The following EP400 variants were observed in gnomAD, a reference collection of about 807,000 sequenced individuals.
The protein encoded by EP400 is E1A binding protein p400, also known as E1A-binding protein p400.
Under a neutral mutation model 354.1 loss-of-function variants are expected in EP400, and 105 were observed. The ratio of observed to expected loss-of-function variants is 0.30; its 90% confidence interval spans 0.25 to 0.35. The LOEUF (loss-of-function observed/expected upper bound fraction) is 0.35, where lower values mean the gene tolerates loss of function less well. Among genes scored for constraint, EP400 ranks in the 10% least tolerant of loss-of-function variants. The probability of loss-of-function intolerance (pLI) is 1.00; values close to 1 mark genes in which losing one functional copy is unlikely to be tolerated. For synonymous variants in EP400, 1,646 were observed against 1,716.9 expected (o/e 0.96, Z 1.02); for missense variants, 3,280 against 4,121.0 (o/e 0.80, Z 5.59).
chr12:131,950,882 C>T (rs910147833), intron 1 of EP400, among the ~76,000 whole-genome samples: 1 of 152,026 alleles, frequency 6.6e-6, no homozygotes, highest in African/African-American at 2.4e-5. Flanking sequence ...CCACCATGCC[C>T]GGCTCACTTT....
chr12:131,969,078 C>G (rs1892203295), intron 2 of EP400, among the ~76,000 whole-genome samples: 1 of 151,576 alleles, frequency 6.6e-6, no homozygotes, highest in Non-Finnish European at 1.5e-5. Context: ...CAAGGGCACC[C>G]AGTATGATCT....
chr12:131,954,472 C>T (rs1442650012), intron 1 of EP400, among the ~76,000 whole-genome samples: 2 of 152,164 alleles, frequency 1.3e-5, no homozygotes, highest in Admixed American at 6.5e-5. Context: ...TGCCTGTAAT[C>T]CCAGCACTTT....
At chr12:131,953,056 C>T (rs1891569469) in intron 1 of EP400, among the ~76,000 whole-genome samples, 1 of 152,106 alleles carries the variant, frequency 6.6e-6, no homozygotes, top group Non-Finnish European at 1.5e-5. Context: ...GGCGATATCT[C>T]CAACAAGGGA....
chr12:132,028,246 C>T lies in EP400; in HGVS notation c.5339C>T (p.Thr1780Met), dbSNP rs375537617. The T allele has an allele frequency of 9.3e-6, 15 of 1,614,068 alleles. No individual in the cohort carries two copies. Among genetic ancestry groups the T allele is most frequent in the African/African-American group, 6.7e-5 (5 of 74,924 alleles). ...GAAAGTCCAAGTGAGCTGATGTTGA[C>T]GCTTTGTCGGTGTGGAGAGTCTCTG... ...SSESPSELML[T>M]LCRCGESLQD... Residue 1780 changes from threonine (T) to methionine (M), a missense_variant, in exon 27 of 53, where the codon ACG (threonine) becomes ATG (methionine). By Grantham distance (81) the Thr-to-Met change is moderately conservative. Coordinates refer to ENST00000389561, the MANE Select transcript of EP400 (RefSeq NM_015409.5).
chr12:132,076,322 G>A (rs760489298), intron 51 of EP400, 194 bp from the exon 52 acceptor site: 2 of 686,974 alleles, frequency 2.9e-6, no homozygotes, highest in South Asian at 1.5e-5. Flanking sequence ...TGGGGAGGCA[G>A]TCAGTTGACT....
At position 132,078,848 on chromosome 12, in the gene EP400, A is replaced by G. The variant is rs1200021079; in HGVS notation, c.*1175A>G. The G allele has an allele frequency of 6.6e-6, 1 of 152,242 alleles. No individual in the cohort carries two copies. Among genetic ancestry groups the G allele is most frequent in the Non-Finnish European group, 1.5e-5 (1 of 68,038 alleles). The allele number at this position is 152,242 out of a possible 1,614,324, so 9.4% of individuals were successfully genotyped here. On this transcript the variant is annotated 3_prime_UTR_variant, in exon 53 of 53. Coordinates refer to ENST00000389561, the MANE Select transcript of EP400 (RefSeq NM_015409.5). Reference sequence around the variant, plus strand: ...GCCGTTGAGGGGGAAAACGAAGCCCAGTATTTGCTACTGTTTTTCCTTTTT... The same window carrying G: ...GCCGTTGAGGGGGAAAACGAAGCCCGGTATTTGCTACTGTTTTTCCTTTTT...
chr12:132,013,985 C>A lies in EP400; in HGVS notation c.3923+72C>A. On this transcript the variant is annotated intron_variant, in intron 19 of 52. Coordinates refer to ENST00000389561, the MANE Select transcript of EP400 (RefSeq NM_015409.5). The surrounding 1 kb of genome is among the most constrained non-coding windows in gnomAD (Gnocchi z 4.5). ...TGAGGGAAAACGGCCCTTTCTGTGGCCTCAGCAGAAAGCTCCTTTCCGCAA... is the reference window on the plus strand; with the variant it reads ...TGAGGGAAAACGGCCCTTTCTGTGGACTCAGCAGAAAGCTCCTTTCCGCAA... The A allele has an allele frequency of 9.5e-6, 15 of 1,573,376 alleles. No individual in the cohort carries two copies. The highest frequency in any genetic ancestry group is 1.3e-5 in the Non-Finnish European group (15 of 1,159,186).
Position 132,050,325 on chromosome 12 carries a change from TAAA to T in EP400, c.7206_7208del (p.Lys2402del), listed in dbSNP as rs753113344. On this transcript the variant is annotated inframe_deletion, in exon 40 of 53. Transcript: ENST00000389561. The surrounding 1 kb of genome is among the most constrained non-coding windows in gnomAD (Gnocchi z 4.8). ...CACTCTCGTCAATTTCATTGCAGAG[TAAA>T]AACAACCGTCCTCTCCGTACGAGCC... The T allele has an allele frequency of 1.2e-6, 2 of 1,613,818 alleles. No individual in the cohort carries two copies. Among genetic ancestry groups the T allele is most frequent in the Non-Finnish European group, 1.7e-6 (2 of 1,179,948 alleles).
At chr12:131,998,638 T>C (rs1221324853) in intron 12 of EP400, among the ~76,000 whole-genome samples, 1 of 147,660 alleles carries the variant, frequency 6.8e-6, no homozygotes, top group Non-Finnish European at 1.5e-5. Context: ...TTGTTAATTC[T>C]TTGTATACAG....
chr12:131,979,274 T>C (rs1892597275), intron 2 of EP400, among the ~76,000 whole-genome samples: 2 of 152,204 alleles, frequency 1.3e-5, no homozygotes, highest in East Asian at 3.8e-4. Flanking sequence ...TAGTGTCATT[T>C]TCCAGTAGAA....
chr12:131,980,341 T>C (rs1892638427), intron 3 of EP400, among the ~76,000 whole-genome samples: 2 of 152,210 alleles, frequency 1.3e-5, no homozygotes, highest in Non-Finnish European at 2.9e-5. Context: ...TAAGTTGTTA[T>C]GTCTAAGAAT....
chr12:132,037,998 G>T lies in EP400; in HGVS notation c.6109G>T (p.Ala2037Ser), dbSNP rs201101285. 1 of 1,614,222 alleles carries T rather than the reference G, an allele frequency of 6.2e-7. No individual in the cohort carries two copies. Among genetic ancestry groups the T allele is most frequent in the African/African-American group, 1.3e-5 (1 of 75,056 alleles). ...TGAAGTTTATTCTCCCATGGATGAT[G>T]CTGGCTTCCCGGTCAAAGCTGAGGA... ...LFEVYSPMDD[A>S]GFPVKAEEFV... Residue 2037 changes from alanine (A) to serine (S), a missense_variant, in exon 32 of 53, where the codon GCT (alanine) becomes TCT (serine). Ala to Ser is a moderately conservative substitution (Grantham distance 99, BLOSUM62 1). This residue lies in a region of EP400 where 60 missense variants were observed against 109.9 expected (regional missense o/e 0.55). Coordinates refer to ENST00000389561, the MANE Select transcript of EP400 (RefSeq NM_015409.5).
chr12:132,049,156 C>T lies in EP400; in HGVS notation c.7201-1167C>T, dbSNP rs117753327. ...GGACAGCCCCACCTCTCAAAGCCTG[C>T]GGGGGCTCCAGCAAGCCATGCGGGG... On this transcript the variant is annotated intron_variant, in intron 39 of 52. Transcript: ENST00000389561. Among the ~76,000 whole-genome samples the T allele has an allele frequency of 7.3e-3, 1,116 of 152,330 alleles. 35 individuals are homozygous for T. The South Asian group carries it at 0.093, about 13-fold the overall frequency.
Position 132,018,323 on chromosome 12 carries a change from C to T in EP400, c.4224C>T (p.Ser1408=), listed in dbSNP as rs754445124. ...CGCGGAAACTCATGGAGGAAATCTC[C>T]ACTTCAGCAGCCCCAGCAGCCCGAC... is the stretch of plus-strand genomic sequence containing the variant. ...KIPRKLMEEI[S]TSAAPAARPA... Residue 1408 remains serine (S), a synonymous_variant, in exon 21 of 53, where the codon TCC becomes TCT. Transcript: ENST00000389561. The surrounding 1 kb of genome is among the most constrained non-coding windows in gnomAD (Gnocchi z 4.0). The T allele has an allele frequency of 6.2e-7, 1 of 1,613,390 alleles. No individual in the cohort carries two copies. The highest frequency in any genetic ancestry group is 2.2e-5 in the East Asian group (1 of 44,882).
chr12:132,031,951 A>G lies in EP400; in HGVS notation c.5755-2A>G. On this transcript the variant is annotated splice_acceptor_variant, in intron 29 of 52. Transcript: ENST00000389561. LOFTEE classifies it high-confidence loss of function. ...TAACTCCTGTGTTTTGTTTCATCTT[A>G]GGAACTGATGAGGAGTTTCAACAGA... 1 of 1,603,550 alleles carries G rather than the reference A, an allele frequency of 6.2e-7. No homozygotes were observed. Among genetic ancestry groups the G allele is most frequent in the Non-Finnish European group, 8.5e-7 (1 of 1,172,612 alleles).
At position 132,006,119 on chromosome 12, in the gene EP400, T is replaced by C. The variant is rs776975488; in HGVS notation, c.2943T>C (p.Asp981=). 1 of 1,613,626 alleles carries C rather than the reference T, an allele frequency of 6.2e-7. No individual in the cohort carries two copies. Among genetic ancestry groups the C allele is most frequent in the Admixed American group, 1.7e-5 (1 of 60,006 alleles). ...GTTTTATTGTCGTTACAGATGCAGA[T>C]GACTGTCCAGGCGACAGGGAGAGTC... is the stretch of plus-strand genomic sequence containing the variant. ...GEDTSGEEDA[D]DCPGDRESRK... The change falls in exon 14 of 53, where the codon GAT becomes GAC. Residue 981 remains aspartate (D), a synonymous_variant. Transcript: ENST00000389561.
At chr12:132,006,998 A>T in intron 15 of EP400, 121 bp downstream of exon 15, 1 of 1,096,710 alleles carries the variant, frequency 9.1e-7, no homozygotes, top group Non-Finnish European at 1.3e-6. Context: ...CTATCTGTTG[A>T]CCTGAGCAAA....
chr12:131,999,565 A>G (rs1011069046), intron 12 of EP400, among the ~76,000 whole-genome samples: 16 of 152,026 alleles, frequency 1.1e-4, no homozygotes, highest in African/African-American at 3.6e-4. Context: ...CAGCCTCCTG[A>G]GTAGCTGGGA....
At chr12:131,984,897 A>C (rs1892803345) in intron 5 of EP400, among the ~76,000 whole-genome samples, 1 of 151,370 alleles carries the variant, frequency 6.6e-6, no homozygotes, top group Admixed American at 6.6e-5. Context: ...GAAATGATTT[A>C]TTTCACAATT....
Sources: allele counts gnomAD v4.1 joint callset (sites outside exome capture counted in the v4.1 genomes callset), GRCh38; gene constraint gnomAD v4.1.1; regional missense constraint gnomAD v4.1.1; non-coding constraint Gnocchi (gnomAD v3.1); transcripts MANE v1.5; gene names NCBI Gene and HGNC (gene_info 2026-07-23, HGNC 2026-07-21).